The following DLG2 variants were observed in gnomAD, a reference collection of about 807,000 sequenced individuals.
The protein encoded by DLG2 is discs large MAGUK scaffold protein 2.
A neutral mutation model predicts 132.5 loss-of-function variants in DLG2; 45 were observed. That is an observed-to-expected ratio of 0.34 (90% CI 0.27 to 0.44). The LOEUF (loss-of-function observed/expected upper bound fraction) is 0.44. Among genes scored for constraint, DLG2 ranks in the 20% least tolerant of loss-of-function variants. DLG2 has a pLI of 1.00. For missense variants in DLG2, 1,045 were observed against 1,196.9 expected, an observed-to-expected ratio of 0.87 and a Z score of 1.87; for synonymous variants, 424 against 419.6, an observed-to-expected ratio of 1.01 and a Z score of -0.13.
chr11:84,660,274 G>A (rs954690561), intron 6 of DLG2, among the ~76,000 whole-genome samples: 2 of 152,102 alleles, frequency 1.3e-5, no homozygotes, highest in Non-Finnish European at 2.9e-5. Flanking sequence ...GAGTGTAAAG[G>A]TCAGACTTCT....
chr11:85,345,324 G>T (rs1309428721), intron 3 of DLG2, among the ~76,000 whole-genome samples: 1 of 152,044 alleles, frequency 6.6e-6, no homozygotes, highest in Non-Finnish European at 1.5e-5. Context: ...TTCTCCAAAG[G>T]GAGAACCCCC....
chr11:84,932,736 ATAC>A (rs1270327580), intron 6 of DLG2, among the ~76,000 whole-genome samples: 2 of 151,582 alleles, frequency 1.3e-5, no homozygotes, highest in Non-Finnish European at 2.9e-5. Context: ...ATATATATAT[ATAC>A]TACATTTTCT....
chr11:83,461,462 T>C (rs1425106976), intron 27 of DLG2: 1 of 152,220 alleles, frequency 6.6e-6, no homozygotes, highest in African/African-American at 2.4e-5. Flanking sequence ...CAAGGAAACA[T>C]TTAAAAAGAA....
chr11:85,371,174 G>A (rs1393534491), intron 3 of DLG2, among the ~76,000 whole-genome samples: 1 of 151,964 alleles, frequency 6.6e-6, no homozygotes, highest in Non-Finnish European at 1.5e-5. Flanking sequence ...TGGAATACAG[G>A]AACATGCCCA....
chr11:83,517,365 G>T (rs1225868221), intron 21 of DLG2, among the ~76,000 whole-genome samples: 1 of 152,182 alleles, frequency 6.6e-6, no homozygotes, highest in Non-Finnish European at 1.5e-5. Flanking sequence ...GTGGTTTTCA[G>T]CTCCGTCAGG....
intron 14 of DLG2, among the ~76,000 whole-genome samples, chr11:83,943,241 A>C (rs919119869): frequency 9.2e-5 from 14 of 152,224 alleles, no homozygotes; most frequent in African/African-American, 3.4e-4. Flanking sequence ...TACCCCTTAA[A>C]TATATAAAAA....
Position 85,514,283 on chromosome 11 carries a change from C to A in DLG2, c.40+84374G>T, listed in dbSNP as rs117163188. On this transcript the variant is annotated intron_variant, in intron 3 of 27. Coordinates refer to ENST00000376104, the MANE Select transcript of DLG2 (RefSeq NM_001142699.3). ...GTAAGGCTCCTGGTAGTTAAATAAT[C>A]TTCCAAAGTTTTTACAGCTCATTGG... 1.3e-3 allele frequency among the ~76,000 whole-genome samples: 191 copies of A among 152,102 alleles called. 5 individuals carry two copies. In the East Asian group the frequency reaches 0.034, roughly 27 times the overall value.
At chr11:83,717,980 C>G (rs1047329299) in intron 18 of DLG2, among the ~76,000 whole-genome samples, 7 of 152,182 alleles carry the variant, frequency 4.6e-5, no homozygotes, top group African/African-American at 1.7e-4. Flanking sequence ...AATCCCTGTT[C>G]TGGTCTATCT....
chr11:85,421,874 T>C (rs920410413), intron 3 of DLG2, among the ~76,000 whole-genome samples: 6 of 152,144 alleles, frequency 3.9e-5, no homozygotes, highest in Non-Finnish European at 8.8e-5. Context: ...TTTGCAGTGG[T>C]GGGTCGGTAG....
chr11:84,188,979 C>A (rs191143107), intron 8 of DLG2, among the ~76,000 whole-genome samples: 1 of 152,114 alleles, frequency 6.6e-6, no homozygotes, highest in Non-Finnish European at 1.5e-5. Context: ...CAATGAAGCC[C>A]ATTAACTAAT....
chr11:84,926,763 A>G (rs10898333), intron 6 of DLG2, among the ~76,000 whole-genome samples: 55,376 of 151,792 alleles, frequency 0.36, 10,820 homozygotes, highest in East Asian at 0.67. Flanking sequence ...TACAGATATA[A>G]GGAAGAAGGA....
At chr11:84,287,891 G>A (rs2154373975) in intron 7 of DLG2, among the ~76,000 whole-genome samples, 1 of 152,070 alleles carries the variant, frequency 6.6e-6, no homozygotes, top group South Asian at 2.1e-4. Flanking sequence ...GCCAATAGGT[G>A]AACTTGGATT....
intron 3 of DLG2, among the ~76,000 whole-genome samples, chr11:85,368,093 G>A (rs928960079): frequency 3.9e-5 from 6 of 152,148 alleles, no homozygotes; most frequent in Non-Finnish European, 8.8e-5. Flanking sequence ...AAGTTTACAT[G>A]TATTTGATTT....
intron 21 of DLG2, among the ~76,000 whole-genome samples, chr11:83,493,796 T>C (rs1457935427): frequency 6.6e-6 from 1 of 152,142 alleles, no homozygotes; most frequent in Non-Finnish European, 1.5e-5. Flanking sequence ...AGAAACTGGC[T>C]TATTTGTAAA....
chr11:85,576,115 G>A (rs1029750260), intron 3 of DLG2, among the ~76,000 whole-genome samples: 1 of 152,122 alleles, frequency 6.6e-6, no homozygotes, highest in Non-Finnish European at 1.5e-5. Context: ...AAGTCCTCTA[G>A]ATTAAACACT....
chr11:85,436,854 T>C (rs1230770580), intron 3 of DLG2, among the ~76,000 whole-genome samples: 1 of 152,220 alleles, frequency 6.6e-6, no homozygotes, highest in Non-Finnish European at 1.5e-5. Flanking sequence ...CATGCACATA[T>C]GTTTGTTGCA....
chr11:85,101,049 A>G (rs1312192627), intron 6 of DLG2, among the ~76,000 whole-genome samples: 1 of 152,138 alleles, frequency 6.6e-6, no homozygotes, highest in East Asian at 1.9e-4. Context: ...ACATTTATGA[A>G]TGTCAGTCAA....
At chr11:84,491,286 G>A (rs2099164418) in intron 7 of DLG2, among the ~76,000 whole-genome samples, 2 of 152,054 alleles carry the variant, frequency 1.3e-5, no homozygotes, top group South Asian at 4.1e-4. Flanking sequence ...CAGTGAGTAA[G>A]TCTCATAAGA....
At chr11:84,117,320 C>T (rs1336922804) in intron 9 of DLG2, among the ~76,000 whole-genome samples, 1 of 152,168 alleles carries the variant, frequency 6.6e-6, no homozygotes, top group African/African-American at 2.4e-5. Flanking sequence ...CCTAGTCATT[C>T]CGAAAATTCT....
Sources: allele counts gnomAD v4.1 joint callset (sites outside exome capture counted in the v4.1 genomes callset), GRCh38; gene constraint gnomAD v4.1.1; transcripts MANE v1.5; gene names NCBI Gene and HGNC (gene_info 2026-07-23, HGNC 2026-07-21).